The following LHFPL3 variants were observed in gnomAD, a reference collection of about 807,000 sequenced individuals.
LHFPL3 encodes the protein LHFPL tetraspan subfamily member 3.
Under a neutral mutation model 19.3 loss-of-function variants are expected in LHFPL3, and 5 were observed. The ratio of observed to expected loss-of-function variants is 0.26; its 90% confidence interval spans 0.14 to 0.54. The LOEUF (loss-of-function observed/expected upper bound fraction) is 0.54, where lower values mean the gene tolerates loss of function less well. LHFPL3 is among the 20% of genes least tolerant of loss of function. The pLI is 0.94. For missense variants in LHFPL3, 249 were observed against 307.4 expected, an observed-to-expected ratio of 0.81 and a Z score of 1.42; for synonymous variants, 133 against 126.2, an observed-to-expected ratio of 1.05 and a Z score of -0.36.
At chr7:104,680,761 C>G (rs1792679450) in intron 1 of LHFPL3, among the ~76,000 whole-genome samples, 1 of 151,928 alleles carries the variant, frequency 6.6e-6, no homozygotes, top group Admixed American at 6.6e-5. Context: ...TTGAAAGAAC[C>G]AGGACAAAAC....
intron 1 of LHFPL3, among the ~76,000 whole-genome samples, chr7:104,455,196 G>A (rs1007870348): frequency 1.3e-5 from 2 of 152,296 alleles, no homozygotes; most frequent in East Asian, 3.9e-4. Context: ...ATTTAAAAAT[G>A]CACATTAATT....
chr7:104,682,483 C>A (rs1792723653), intron 1 of LHFPL3, among the ~76,000 whole-genome samples: 1 of 152,188 alleles, frequency 6.6e-6, no homozygotes, highest in African/African-American at 2.4e-5. Flanking sequence ...AATGTGAGAA[C>A]CTAAGTGCCC....
chr7:104,422,658 C>T (rs1423181998), intron 1 of LHFPL3, among the ~76,000 whole-genome samples: 2 of 152,162 alleles, frequency 1.3e-5, no homozygotes, highest in Non-Finnish European at 2.9e-5. Context: ...TACTTTATCT[C>T]TCTGAGCATC....
chr7:104,893,944 T>C (rs1289176279), intron 2 of LHFPL3, among the ~76,000 whole-genome samples: 2 of 113,628 alleles, frequency 1.8e-5, no homozygotes, highest in East Asian at 5.2e-4. Context: ...AGAATGAGAC[T>C]CCATCTCAAA....
intron 2 of LHFPL3, among the ~76,000 whole-genome samples, chr7:104,868,710 AAT>A (rs1791775493): frequency 6.6e-6 from 1 of 152,232 alleles, no homozygotes; most frequent in Non-Finnish European, 1.5e-5. Flanking sequence ...TTCTTCACAG[AAT>A]TGGAAAAAAC....
intron 2 of LHFPL3, among the ~76,000 whole-genome samples, chr7:104,818,422 T>G (rs1020781823): frequency 3.3e-5 from 5 of 150,472 alleles, no homozygotes; most frequent in Non-Finnish European, 7.4e-5. Context: ...GTACCTGTAG[T>G]CCCAACTACT....
intron 1 of LHFPL3, among the ~76,000 whole-genome samples, chr7:104,350,777 C>T (rs1790158267): frequency 1.3e-5 from 2 of 152,188 alleles, no homozygotes; most frequent in African/African-American, 4.8e-5. Flanking sequence ...CAATGGCTCT[C>T]ACCTGTAATC....
intron 1 of LHFPL3, among the ~76,000 whole-genome samples, chr7:104,453,315 A>G (rs1260666387): frequency 6.6e-6 from 1 of 151,576 alleles, no homozygotes; most frequent in Non-Finnish European, 1.5e-5. Flanking sequence ...GCGGGAAACT[A>G]CTAGAGGCCA....
chr7:104,347,763 G>A (rs1382881741), intron 1 of LHFPL3, among the ~76,000 whole-genome samples: 3 of 152,008 alleles, frequency 2.0e-5, no homozygotes, highest in Admixed American at 6.5e-5. Flanking sequence ...GTGGTGGCAC[G>A]CCCCTGTAAT....
intron 1 of LHFPL3, among the ~76,000 whole-genome samples, chr7:104,533,856 A>G (rs1452100997): frequency 6.6e-6 from 1 of 151,952 alleles, no homozygotes; most frequent in East Asian, 1.9e-4. Context: ...TCTCTCTCTG[A>G]TGATATTGTC....
At chr7:104,441,228 TC>T (rs1792218382) in intron 1 of LHFPL3, among the ~76,000 whole-genome samples, 1 of 152,206 alleles carries the variant, frequency 6.6e-6, no homozygotes, top group Non-Finnish European at 1.5e-5. Context: ...CAACCACCAT[TC>T]TACTCTCTGC....
At position 104,423,532 on chromosome 7, in the gene LHFPL3, CCTGA is replaced by C. The variant is rs571772689; in HGVS notation, c.445+94311_445+94314del. 9.1e-4 allele frequency among the ~76,000 whole-genome samples: 138 copies of C among 152,234 alleles called. 1 individual carries two copies. The highest frequency in any genetic ancestry group is 3.2e-3 in the African/African-American group (133 of 41,544). On this transcript the variant is annotated intron_variant, in intron 1 of 2. Transcript: ENST00000424859. ...CTGATCACAGAATTTCTCACCCATG[CCTGA>C]CTAATTTTTTATCACTTGATCACTT...
intron 2 of LHFPL3, among the ~76,000 whole-genome samples, chr7:104,780,290 C>A (rs927315573): frequency 6.6e-6 from 1 of 152,176 alleles, no homozygotes; most frequent in Admixed American, 6.5e-5. Flanking sequence ...ATTCCCACTC[C>A]CGCTGCCAGC....
chr7:104,398,309 C>T (rs1791235335), intron 1 of LHFPL3, among the ~76,000 whole-genome samples: 1 of 152,180 alleles, frequency 6.6e-6, no homozygotes, highest in African/African-American at 2.4e-5. Flanking sequence ...GGGACAGGCT[C>T]CAGGCCTCCA....
chr7:104,365,787 C>CAAAAAAAA (rs571171040), intron 1 of LHFPL3, among the ~76,000 whole-genome samples: 554 of 49,880 alleles, frequency 0.011, 13 homozygotes, highest in African/African-American at 0.044. Context: ...GACTCCGTCT[C>CAAAAAAAA]AAAAAAAAAA....
chr7:104,558,816 T>G (rs1343406057), intron 1 of LHFPL3, among the ~76,000 whole-genome samples: 3 of 145,482 alleles, frequency 2.1e-5, no homozygotes, highest in Non-Finnish European at 4.4e-5. Context: ...GTTTTAGGTC[T>G]AACGTTTAAG....
rs568079425 is a variant in LHFPL3, at chr7:104,835,767, T to A, written c.683-70420T>A. The stretch of plus-strand genomic sequence containing the variant: ...ATCTACACGTTAAATTATTATTATT[T>A]TTTTTTACTTTAAGTTCTGTGATAC... On this transcript the variant is annotated intron_variant, in intron 2 of 2. Transcript: ENST00000424859. Among the ~76,000 whole-genome samples, 495 of 151,302 alleles carry A rather than the reference T, an allele frequency of 3.3e-3. 14 individuals are homozygous for A. The highest frequency in any genetic ancestry group is 0.012 in the African/African-American group (482 of 41,226).
intron 1 of LHFPL3, among the ~76,000 whole-genome samples, chr7:104,565,765 ATCTATCTAATCT>A (rs1472397268): frequency 1.2e-4 from 16 of 134,282 alleles, no homozygotes; most frequent in Admixed American, 3.1e-4. Context: ...CTATCTATCT[ATCTATCTAATCT>A]ATCTATCTGT....
chr7:104,843,094 A>C (rs1791245244), intron 2 of LHFPL3, among the ~76,000 whole-genome samples: 1 of 152,078 alleles, frequency 6.6e-6, no homozygotes, highest in Non-Finnish European at 1.5e-5. Context: ...GGCAGCCCTA[A>C]CCCCTTCCTG....
Sources: gnomAD v4.1 joint callset for allele counts (sites outside exome capture counted in the v4.1 genomes callset) on GRCh38, gnomAD v4.1.1 for gene constraint, MANE v1.5 for transcripts, NCBI Gene and HGNC (gene_info 2026-07-23, HGNC 2026-07-21) for gene names.